The following AFF3 variants were observed in gnomAD, a reference collection of about 807,000 sequenced individuals.
The protein encoded by AFF3 is AF4/FMR2 family member 3.
A neutral mutation model predicts 129.7 loss-of-function variants in AFF3; 32 were observed. The observed-to-expected ratio is 0.25, with a 90% CI of 0.19 to 0.33. The LOEUF (loss-of-function observed/expected upper bound fraction) is 0.33, where lower values mean the gene tolerates loss of function less well. AFF3 is among the 10% of genes least tolerant of loss of function. The pLI, the probability that AFF3 is intolerant of heterozygous loss-of-function variation, is 1.00. For synonymous variants in AFF3, 644 were observed against 635.4 expected (o/e 1.01, Z -0.20); for missense variants, 1,373 against 1,592.0 (o/e 0.86, Z 2.34).
chr2:99,794,304 C>T (rs1685416226), intron 8 of AFF3, among the ~76,000 whole-genome samples: 1 of 152,068 alleles, frequency 6.6e-6, no homozygotes, highest in African/African-American at 2.4e-5. Context: ...TTTGTTTTGT[C>T]GAGAAATTAG....
intron 7 of AFF3, among the ~76,000 whole-genome samples, chr2:99,989,713 T>C (rs1248664357): frequency 6.6e-6 from 1 of 152,180 alleles, no homozygotes; most frequent in Non-Finnish European, 1.5e-5. Flanking sequence ...GAGAGGTCCA[T>C]CTGTGAATTT....
At chr2:99,830,621 G>A (rs1463545972) in intron 8 of AFF3, among the ~76,000 whole-genome samples, 4 of 152,174 alleles carry the variant, frequency 2.6e-5, no homozygotes, top group South Asian at 2.1e-4. Flanking sequence ...GTGTGGTGGC[G>A]GGTGACTGTA....
At chr2:99,754,927 C>T (rs978323187) in intron 8 of AFF3, among the ~76,000 whole-genome samples, 10 of 152,198 alleles carry the variant, frequency 6.6e-5, no homozygotes, top group African/African-American at 2.4e-4. Context: ...GTTAGGGTAT[C>T]GGCTCTGGCT....
chr2:99,930,320 T>C (rs1028675167), intron 7 of AFF3, among the ~76,000 whole-genome samples: 2 of 152,176 alleles, frequency 1.3e-5, no homozygotes, highest in African/African-American at 4.8e-5. Flanking sequence ...CTGAAATGCC[T>C]GCCTCATGGG....
At chr2:100,042,421 G>A (rs1685519349) in intron 4 of AFF3, among the ~76,000 whole-genome samples, 2 of 152,006 alleles carry the variant, frequency 1.3e-5, no homozygotes, top group Admixed American at 1.3e-4. Context: ...GCTCCAATAA[G>A]AAAGTAGTTT....
chr2:99,681,737 G>A (rs1016614138), intron 11 of AFF3, among the ~76,000 whole-genome samples: 12 of 152,072 alleles, frequency 7.9e-5, no homozygotes, highest in East Asian at 1.9e-4. Context: ...TGGACTCCCC[G>A]TCCCCCAGAA....
chr2:99,801,064 T>C (rs138048959), intron 8 of AFF3, among the ~76,000 whole-genome samples: 67 of 152,334 alleles, frequency 4.4e-4, no homozygotes, highest in African/African-American at 1.6e-3. Flanking sequence ...TAATTATACA[T>C]ATGTGATATT....
At chr2:99,967,039 T>G (rs1677851224) in intron 7 of AFF3, among the ~76,000 whole-genome samples, 2 of 152,200 alleles carry the variant, frequency 1.3e-5, no homozygotes, top group South Asian at 4.1e-4. Flanking sequence ...AAACATCCTA[T>G]GTCCTGATGA....
intron 4 of AFF3, among the ~76,000 whole-genome samples, chr2:100,033,123 C>T (rs1364630235): frequency 1.3e-5 from 2 of 152,100 alleles, no homozygotes; most frequent in Non-Finnish European, 2.9e-5. Context: ...TATGCCATAC[C>T]CATATTTCCT....
chr2:99,660,243 C>T lies in AFF3; in HGVS notation c.1144-10577G>A, dbSNP rs183965463. On this transcript the variant is annotated intron_variant, in intron 12 of 24. Coordinates refer to ENST00000672756, the MANE Select transcript of AFF3 (RefSeq NM_001386135.1). ...CCTAAATTGTGAAATACAAATGTTACTTTGTTTTTGTAGAAAGACCAGATG... is the reference window on the plus strand; with the variant it reads ...CCTAAATTGTGAAATACAAATGTTATTTTGTTTTTGTAGAAAGACCAGATG... Among the ~76,000 whole-genome samples the T allele has an allele frequency of 3.0e-4, 45 of 152,250 alleles. 1 individual carries two copies. The East Asian group carries it at 7.0e-3, about 24-fold the overall frequency.
intron 7 of AFF3, among the ~76,000 whole-genome samples, chr2:100,001,732 G>A (rs1681439673): frequency 6.6e-6 from 1 of 152,204 alleles, no homozygotes; most frequent in Non-Finnish European, 1.5e-5. Flanking sequence ...CAGCCCAAGT[G>A]CTTCACCTTT....
intron 7 of AFF3, among the ~76,000 whole-genome samples, chr2:99,993,496 G>T (rs1360297132): frequency 6.6e-6 from 1 of 151,844 alleles, no homozygotes; most frequent in African/African-American, 2.4e-5. Flanking sequence ...ATAACCACAT[G>T]CTGGAACTAA....
chr2:100,105,861 A>C (rs1573443769), intron 2 of AFF3: 1 of 1,335,538 alleles, frequency 7.5e-7, no homozygotes, highest in Non-Finnish European at 9.9e-7. Context: ...GTTGTGCCTC[A>C]CCACGCGAAC....
chr2:99,685,193 A>T (rs1248886775), intron 11 of AFF3, among the ~76,000 whole-genome samples: 1 of 151,634 alleles, frequency 6.6e-6, no homozygotes, highest in Non-Finnish European at 1.5e-5. Context: ...TGCCTGCCTC[A>T]GACTCCCAAA....
At chr2:99,752,747 G>A (rs879317528) in intron 8 of AFF3, among the ~76,000 whole-genome samples, 8 of 152,190 alleles carry the variant, frequency 5.3e-5, no homozygotes, top group Admixed American at 5.2e-4. Flanking sequence ...TAAAGTATCA[G>A]TTCTCAATAA....
chr2:99,897,251 G>T (rs1373158379), intron 7 of AFF3, among the ~76,000 whole-genome samples: 1 of 152,146 alleles, frequency 6.6e-6, no homozygotes, highest in East Asian at 1.9e-4. Flanking sequence ...TTATTCAGCA[G>T]CAAGTATAAG....
intron 7 of AFF3, among the ~76,000 whole-genome samples, chr2:99,918,672 T>C (rs1310261633): frequency 6.6e-6 from 1 of 152,226 alleles, no homozygotes; most frequent in Non-Finnish European, 1.5e-5. Flanking sequence ...AGTGCTAACC[T>C]AAAGGCTACC....
chr2:99,601,631 C>A lies in AFF3; in HGVS notation c.1185-10G>T. ...CTGCTGGACCACGGCGCTGCCAGCC[C>A]GCGAGGCCCCCGGGAAGCAGAGGGA... On this transcript the variant is annotated splice_polypyrimidine_tract_variant and intron_variant, in intron 13 of 24. Transcript: ENST00000672756. 2 of 1,586,162 alleles carry A rather than the reference C, an allele frequency of 1.3e-6. No homozygotes were observed. Among genetic ancestry groups the A allele is most frequent in the Non-Finnish European group, 1.7e-6 (2 of 1,172,104 alleles).
intron 5 of AFF3, 112 bp from the exon 6 acceptor site, chr2:100,007,572 G>A (rs1030907398): frequency 2.1e-6 from 2 of 965,962 alleles, no homozygotes; most frequent in African/African-American, 3.3e-5. Flanking sequence ...TGCAGAATGA[G>A]AGCTGAGAGA....
Sources: gnomAD v4.1 joint callset for allele counts (sites outside exome capture counted in the v4.1 genomes callset) on GRCh38, gnomAD v4.1.1 for gene constraint, MANE v1.5 for transcripts, NCBI Gene and HGNC (gene_info 2026-07-23, HGNC 2026-07-21) for gene names.